The following JPH3 variants were observed in gnomAD, a reference collection of about 807,000 sequenced individuals.
JPH3 encodes junctophilin 3.
In JPH3, 11 loss-of-function variants were observed where a neutral mutation model predicts 59.6. That is an observed-to-expected ratio of 0.18 (90% CI 0.12 to 0.31). The LOEUF (loss-of-function observed/expected upper bound fraction) is 0.31, where lower values mean the gene tolerates loss of function less well. JPH3 is among the 10% of genes least tolerant of loss of function. JPH3 has a pLI of 1.00. For missense variants in JPH3, 1,202 were observed against 1,105.7 expected, an observed-to-expected ratio of 1.09 and a Z score of -1.24; for synonymous variants, 673 against 483.6, an observed-to-expected ratio of 1.39 and a Z score of -5.14.
intron 2 of JPH3, among the ~76,000 whole-genome samples, chr16:87,660,054 C>T (rs1335640475): frequency 6.6e-6 from 1 of 151,890 alleles, no homozygotes; most frequent in Middle Eastern, 3.4e-3. Flanking sequence ...AGCCCCAGCC[C>T]TGCCACCTGG....
intron 1 of JPH3, among the ~76,000 whole-genome samples, chr16:87,632,533 G>T (rs1192910530): frequency 6.6e-6 from 1 of 152,030 alleles, no homozygotes; most frequent in African/African-American, 2.4e-5. Flanking sequence ...TCAATCTCCT[G>T]GGCTCCAGCC....
At chr16:87,603,655 C>G in intron 1 of JPH3, 127 bp downstream of exon 1, 1 of 1,230,770 alleles carries the variant, frequency 8.1e-7, no homozygotes, top group Non-Finnish European at 1.1e-6. Flanking sequence ...GGGCCTTTCC[C>G]GGGCTTCCCT....
intron 2 of JPH3, among the ~76,000 whole-genome samples, chr16:87,648,875 C>T (rs1020793222): frequency 6.6e-6 from 1 of 152,184 alleles, no homozygotes; most frequent in African/African-American, 2.4e-5. Context: ...TAGGTGGGGG[C>T]CCCAGCACCT....
chr16:87,689,077 C>T lies in JPH3; in HGVS notation c.1286-569C>T, dbSNP rs373608832. Among the ~76,000 whole-genome samples, 10 of 152,172 alleles carry T rather than the reference C, an allele frequency of 6.6e-5. No individual in the cohort carries two copies. The South Asian group carries it at 1.4e-3, about 22-fold the overall frequency. The stretch of plus-strand genomic sequence containing the variant: ...GGTGACCTCCCCTTCCGGGGAGCCC[C>T]GCCCTAGGACTTGAAGCCCCAGCAG... On this transcript the variant is annotated intron_variant, in intron 3 of 4. Transcript: ENST00000284262.
At position 87,603,008 on chromosome 16, in the gene JPH3, GA is replaced by G; in HGVS notation, c.-138del. ...GCCGGCGCCGCGGCCGCCCGCGCCC[GA>G]GACCGCGCTCCGGGGCCGCGTCCTC... On this transcript the variant is annotated 5_prime_UTR_variant, in exon 1 of 5. Coordinates refer to ENST00000284262, the MANE Select transcript of JPH3 (RefSeq NM_020655.4). 1 of 1,031,160 alleles carries G rather than the reference GA, an allele frequency of 9.7e-7. No homozygotes were observed. 63.9% of individuals were successfully genotyped at this position (1,031,160 alleles called of 1,614,324 possible).
chr16:87,617,359 C>T (rs1188332161), intron 1 of JPH3, among the ~76,000 whole-genome samples: 1 of 152,068 alleles, frequency 6.6e-6, no homozygotes, highest in Non-Finnish European at 1.5e-5. Context: ...GTGTCTCCAG[C>T]GTGGGATGTC....
intron 2 of JPH3, among the ~76,000 whole-genome samples, chr16:87,668,183 G>A (rs1315806776): frequency 6.6e-6 from 1 of 152,224 alleles, no homozygotes; most frequent in Non-Finnish European, 1.5e-5. Flanking sequence ...GCCGCTCCGG[G>A]TCCTCTGGGA....
chr16:87,657,289 G>T (rs917362654), intron 2 of JPH3, among the ~76,000 whole-genome samples: 1 of 152,244 alleles, frequency 6.6e-6, no homozygotes, highest in African/African-American at 2.4e-5. Context: ...AGAAAGTGAT[G>T]CTGAGTGAAG....
intron 1 of JPH3, among the ~76,000 whole-genome samples, chr16:87,631,321 T>C (rs140898461): frequency 1.1e-4 from 16 of 152,320 alleles, no homozygotes; most frequent in African/African-American, 3.1e-4. Context: ...ATGGAAGATA[T>C]AGTTTCTGTG....
chr16:87,625,133 CTG>C (rs1180912475), intron 1 of JPH3, among the ~76,000 whole-genome samples: 2 of 152,216 alleles, frequency 1.3e-5, no homozygotes, highest in Non-Finnish European at 2.9e-5. Flanking sequence ...GAGTCTCACT[CTG>C]TGAGCCAGCA....
chr16:87,691,972 C>A, intron 4 of JPH3, among the ~76,000 whole-genome samples: 1 of 152,142 alleles, frequency 6.6e-6, no homozygotes, highest in Non-Finnish European at 1.5e-5. Context: ...ATGAACCTCC[C>A]TGGGGGTCAA....
chr16:87,655,784 C>A (rs1158675984), intron 2 of JPH3, among the ~76,000 whole-genome samples: 2 of 152,254 alleles, frequency 1.3e-5, no homozygotes, highest in Admixed American at 6.5e-5. Flanking sequence ...GGGAACCAGT[C>A]TGGCCATCTC....
At chr16:87,684,381 C>T in intron 3 of JPH3, 115 bp downstream of exon 3, 4 of 1,449,592 alleles carry the variant, frequency 2.8e-6, no homozygotes, top group East Asian at 5.0e-5. Context: ...GGCTCAGCCC[C>T]AGCTGCTCCC....
At chr16:87,660,353 G>A (rs1429558856) in intron 2 of JPH3, among the ~76,000 whole-genome samples, 1 of 152,146 alleles carries the variant, frequency 6.6e-6, no homozygotes, top group Non-Finnish European at 1.5e-5. Context: ...CTTCCTGGGA[G>A]TGAGGTTTCC....
intron 2 of JPH3, among the ~76,000 whole-genome samples, chr16:87,645,864 C>T (rs921421987): frequency 1.1e-4 from 17 of 152,186 alleles, no homozygotes; most frequent in Admixed American, 5.2e-4. Flanking sequence ...TGTGGAAAGC[C>T]ACGGGCCCCA....
chr16:87,637,413 T>A (rs1029210150), intron 1 of JPH3, among the ~76,000 whole-genome samples: 36 of 112,806 alleles, frequency 3.2e-4, no homozygotes, highest in East Asian at 9.4e-4. Flanking sequence ...AGAGAGAGAG[T>A]GTGTGTGTTT....
intron 2 of JPH3, among the ~76,000 whole-genome samples, chr16:87,665,731 G>A (rs1047560262): frequency 2.6e-5 from 4 of 152,166 alleles, no homozygotes; most frequent in African/African-American, 7.2e-5. Flanking sequence ...TCTTCCTCCC[G>A]GCTGCCCCGA....
chr16:87,626,935 G>A (rs1024488933), intron 1 of JPH3, among the ~76,000 whole-genome samples: 7 of 152,216 alleles, frequency 4.6e-5, no homozygotes, highest in Non-Finnish European at 7.3e-5. Context: ...GAGGCCAGGA[G>A]TTCAAGACCA....
intron 2 of JPH3, among the ~76,000 whole-genome samples, chr16:87,676,154 A>G (rs1032365532): frequency 3.3e-5 from 5 of 152,212 alleles, no homozygotes; most frequent in African/African-American, 1.2e-4. Flanking sequence ...TCTTCTTAGA[A>G]CGTGTGGCCA....
Sources: allele counts gnomAD v4.1 joint callset (sites outside exome capture counted in the v4.1 genomes callset), GRCh38; gene constraint gnomAD v4.1.1; transcripts MANE v1.5; gene names NCBI Gene and HGNC (gene_info 2026-07-23, HGNC 2026-07-21).